ARHGEF25: variants seen among roughly 807,000 people sequenced by gnomAD.
ARHGEF25 encodes the protein Rho guanine nucleotide exchange factor 25, also known as RAC/CDC42 exchange factor.
Under a neutral mutation model 74.0 loss-of-function variants are expected in ARHGEF25, and 42 were observed. That is an observed-to-expected ratio of 0.57 (90% CI 0.44 to 0.73). ARHGEF25 has a LOEUF of 0.73. Ranked by LOEUF, ARHGEF25 falls within the 30% of genes least tolerant of loss-of-function variation. The pLI is 0.00. For synonymous variants in ARHGEF25, 293 were observed against 278.6 expected, an observed-to-expected ratio of 1.05 and a Z score of -0.51; for missense variants, 645 against 725.5, an observed-to-expected ratio of 0.89 and a Z score of 1.27.
chr12:57,615,454 G>C, intron 11 of ARHGEF25, 58 bp from the exon 12 acceptor site: 1 of 1,607,780 alleles, frequency 6.2e-7, no homozygotes. Flanking sequence ...GAAGGGAGGA[G>C]CAGAGAATTG....
At position 57,612,946 on chromosome 12, in the gene ARHGEF25, G is replaced by C. The variant is rs369756788; in HGVS notation, c.114G>C (p.Ala38=). The C allele has an allele frequency of 2.5e-6, 4 of 1,613,856 alleles. No individual in the cohort carries two copies. In the African/African-American group the frequency reaches 5.3e-5, roughly 22 times the overall value. ...ARGGRESYSI[A]GSEGSISASA... ...TCCCATTAGAATCCTATTCCATTGC[G>C]GGCAGTGAGGGGAGTATATCGGCTT... The change falls in exon 2 of 15, where the codon GCG becomes GCC. Residue 38 remains alanine, a synonymous_variant. Transcript: ENST00000286494.
At position 57,614,679 on chromosome 12, in the gene ARHGEF25, C is replaced by G. The variant is rs1884202686; in HGVS notation, c.817-10C>G. On this transcript the variant is annotated splice_polypyrimidine_tract_variant and intron_variant, in intron 8 of 14. Transcript: ENST00000286494. The surrounding 1 kb of genome is among the most constrained non-coding windows in gnomAD (Gnocchi z 4.6). Reference sequence around the variant, plus strand: ...TCCAGGCTGCATAACCACCCTGTCCCTGTCCCCAGGAGCTCCGGCAGCAGC... The same window carrying G: ...TCCAGGCTGCATAACCACCCTGTCCGTGTCCCCAGGAGCTCCGGCAGCAGC... 1.2e-6 allele frequency: 2 copies of G among 1,613,590 alleles called. No individual in the cohort carries two copies. The highest frequency in any genetic ancestry group is 2.2e-5 in the East Asian group (1 of 44,888).
chr12:57,614,737 A>T lies in ARHGEF25; in HGVS notation c.865A>T (p.Ile289Phe). The change falls in exon 9 of 15, where the codon ATC becomes TTC. Residue 289 changes from isoleucine (I) to phenylalanine (F), a missense_variant. Transcript: ENST00000286494. The surrounding 1 kb of genome is among the most constrained non-coding windows in gnomAD (Gnocchi z 4.6). ...GHRLQLNDLL[I>F]KPVQRIMKYQ... Reference sequence around the variant, plus strand: ...CCGCCTGCAGCTGAACGACCTCCTCATCAAACCTGTGCAGCGGATCATGAA... The same window carrying T: ...CCGCCTGCAGCTGAACGACCTCCTCTTCAAACCTGTGCAGCGGATCATGAA... The T allele has an allele frequency of 6.2e-7, 1 of 1,613,150 alleles. No individual in the cohort carries two copies. The highest frequency in any genetic ancestry group is 1.1e-5 in the South Asian group (1 of 90,872).
In ARHGEF25 at chr12:57,614,234, C is replaced by T. The variant is rs1884182001; in HGVS notation, c.657-97C>T. 6.3e-6 allele frequency: 10 copies of T among 1,574,884 alleles called. No individual in the cohort carries two copies. The highest frequency in any genetic ancestry group is 8.7e-6 in the Non-Finnish European group (10 of 1,145,472). On this transcript the variant is annotated intron_variant, in intron 6 of 14. Coordinates refer to ENST00000286494, the MANE Select transcript of ARHGEF25 (RefSeq NM_182947.4). This position sits in a 1 kb window ranked among gnomAD's most constrained non-coding sequence, Gnocchi z 4.6. ...GAATGTTTGGAGAAGTTTTGTAGGGCACACTACCAGGGCAGACAGCTCGAA... is the reference window on the plus strand; with the variant it reads ...GAATGTTTGGAGAAGTTTTGTAGGGTACACTACCAGGGCAGACAGCTCGAA...
upstream of ARHGEF25, chr12:57,610,246 C>A (rs891868346): frequency 4.4e-6 from 7 of 1,601,640 alleles, no homozygotes; most frequent in Admixed American, 1.7e-5. Context: ...CCGCCCCTGG[C>A]CGCACTGACC....
At position 57,614,424 on chromosome 12, in the gene ARHGEF25, T is replaced by C. The variant is rs769264237; in HGVS notation, c.726+24T>C. 6.2e-7 allele frequency: 1 copy of C among 1,614,060 alleles called. No individual in the cohort carries two copies. Among genetic ancestry groups the C allele is most frequent in the Non-Finnish European group, 8.5e-7 (1 of 1,179,954 alleles). On this transcript the variant is annotated intron_variant, in intron 7 of 14. Coordinates refer to ENST00000286494, the MANE Select transcript of ARHGEF25 (RefSeq NM_182947.4). The surrounding 1 kb of genome is among the most constrained non-coding windows in gnomAD (Gnocchi z 4.6). ...ACGTGAGGCTTGAGGGGGCAGGGCCTGGGGCGGGGCTTAGGAATGGGCTGG... is the reference window on the plus strand; with the variant it reads ...ACGTGAGGCTTGAGGGGGCAGGGCCCGGGGCGGGGCTTAGGAATGGGCTGG...
chr12:57,611,664 C>T lies in ARHGEF25; in HGVS notation c.-231C>T, dbSNP rs1253965739. The T allele has an allele frequency of 1.1e-5, 12 of 1,110,526 alleles. No individual in the cohort carries two copies. The highest frequency in any genetic ancestry group is 1.6e-5 in the African/African-American group (1 of 60,944). The allele number at this position is 1,110,526 out of a possible 1,614,324, so 68.8% of individuals were successfully genotyped here. On this transcript the variant is annotated 5_prime_UTR_variant, in exon 1 of 15. Coordinates refer to ENST00000286494, the MANE Select transcript of ARHGEF25 (RefSeq NM_182947.4). The surrounding 1 kb of genome is among the most constrained non-coding windows in gnomAD (Gnocchi z 4.5). Reference sequence around the variant, plus strand: ...TTCCGGAAACCCTCCCCGCCCAGCCCGGCGGCCGGGCCCCGCGCCTCTCTC... The same window carrying T: ...TTCCGGAAACCCTCCCCGCCCAGCCTGGCGGCCGGGCCCCGCGCCTCTCTC...
rs1273838203 is a variant in ARHGEF25, at chr12:57,611,632, G to C, written c.-263G>C. 5.8e-6 allele frequency: 6 copies of C among 1,041,722 alleles called. No homozygotes were observed. In the African/African-American group the frequency reaches 8.5e-5, roughly 15 times the overall value. The allele number at this position is 1,041,722 out of a possible 1,614,324, so 64.5% of individuals were successfully genotyped here. A position where few individuals can be genotyped will look rare whatever the true frequency, so the allele number is the denominator to read the frequency against. ...CATCTGGACCCTAGGCCCCCGCACCGACAGGGTTCCGGAAACCCTCCCCGC... is the reference window on the plus strand; with the variant it reads ...CATCTGGACCCTAGGCCCCCGCACCCACAGGGTTCCGGAAACCCTCCCCGC... On this transcript the variant is annotated 5_prime_UTR_variant, in exon 1 of 15. Transcript: ENST00000286494. This position sits in a 1 kb window ranked among gnomAD's most constrained non-coding sequence, Gnocchi z 4.5.
In ARHGEF25 at chr12:57,616,407, C is replaced by A. The variant is rs115150056; in HGVS notation, c.1544C>A (p.Thr515Lys). 72 of 1,614,000 alleles carry A rather than the reference C, an allele frequency of 4.5e-5. No homozygotes were observed. The East Asian group carries it at 1.4e-3, about 31-fold the overall frequency. The change falls in exon 14 of 15, where the codon ACA becomes AAA. Residue 515 changes from threonine (T) to lysine (K), a missense_variant. By Grantham distance (78) the Thr-to-Lys change is moderately conservative. Around this residue, in one of 3 missense-constraint regions of ARHGEF25, gnomAD observed 262 missense variants for 256.9 expected, o/e 1.02. Coordinates refer to ENST00000286494, the MANE Select transcript of ARHGEF25 (RefSeq NM_182947.4). ...CTTGGAGATCAGGCCCAGGGCAGCACACACACACCCATCAATGGCTCTCTC... is the reference window on the plus strand; with the variant it reads ...CTTGGAGATCAGGCCCAGGGCAGCAAACACACACCCATCAATGGCTCTCTC... ...IQLGDQAQGSTHTPINGSLPS... is the reference protein window; with the variant it reads ...IQLGDQAQGSKHTPINGSLPS...
At chr12:57,615,796 G>A in intron 12 of ARHGEF25, 41 bp from the exon 13 acceptor site, 1 of 1,612,564 alleles carries the variant, frequency 6.2e-7, no homozygotes, top group Non-Finnish European at 8.5e-7. Context: ...GCCAGGGAGG[G>A]CCTGAGGAAT....
chr12:57,611,679 G>T lies in ARHGEF25; in HGVS notation c.-216G>T. On this transcript the variant is annotated 5_prime_UTR_variant, in exon 1 of 15. Transcript: ENST00000286494. This position sits in a 1 kb window ranked among gnomAD's most constrained non-coding sequence, Gnocchi z 4.5. ...CCGCCCAGCCCGGCGGCCGGGCCCCGCGCCTCTCTCTCTCTAGAGCCCCCA... is the reference window on the plus strand; with the variant it reads ...CCGCCCAGCCCGGCGGCCGGGCCCCTCGCCTCTCTCTCTCTAGAGCCCCCA... The T allele has an allele frequency of 8.9e-7, 1 of 1,117,466 alleles. No homozygotes were observed. The highest frequency in any genetic ancestry group is 4.5e-5 in the South Asian group (1 of 22,438). The allele number at this position is 1,117,466 out of a possible 1,614,324, so 69.2% of individuals were successfully genotyped here.
At chr12:57,613,567 C>T (rs766888283) in intron 4 of ARHGEF25, 51 bp downstream of exon 4, 11 of 1,611,890 alleles carry the variant, frequency 6.8e-6, no homozygotes, top group Non-Finnish European at 9.3e-6. Context: ...AGAAGACTGT[C>T]CCTCACATTT....
chr12:57,612,885 A>C (rs1418261493), intron 1 of ARHGEF25, 45 bp from the exon 2 acceptor site: 2 of 1,586,614 alleles, frequency 1.3e-6, no homozygotes, highest in Non-Finnish European at 1.7e-6. Flanking sequence ...CTGAGTCTGG[A>C]GCTGGGGCAA....
At chr12:57,610,336 T>C, upstream of ARHGEF25, 2 of 1,144,994 alleles carry the variant, frequency 1.7e-6, no homozygotes, top group Non-Finnish European at 2.3e-6. Context: ...GGGCTCGCGG[T>C]GGGGTCGGGG....
chr12:57,610,513 G>T, upstream of ARHGEF25: 3 of 1,428,554 alleles, frequency 2.1e-6, no homozygotes, highest in South Asian at 3.9e-5. Context: ...GAAGGGGAAG[G>T]GGGAGGTCAG....
Position 57,617,053 on chromosome 12 carries a change from C to A in ARHGEF25, c.*159C>A. The A allele has an allele frequency of 2.3e-6, 1 of 426,614 alleles. No individual in the cohort carries two copies. Among genetic ancestry groups the A allele is most frequent in the Non-Finnish European group, 4.2e-6 (1 of 236,574 alleles). 26.4% of individuals were successfully genotyped at this position (426,614 alleles called of 1,614,324 possible). On this transcript the variant is annotated 3_prime_UTR_variant, in exon 15 of 15. Coordinates refer to ENST00000286494, the MANE Select transcript of ARHGEF25 (RefSeq NM_182947.4). ...TCAACTTGGAGGAGAACACCTAGAC[C>A]CAAGGACTTTTTTCTGCCCAAGGAA...
upstream of ARHGEF25, chr12:57,610,672 G>T (rs1049544254): frequency 6.2e-7 from 1 of 1,608,592 alleles, no homozygotes; most frequent in Non-Finnish European, 8.5e-7. Flanking sequence ...CCTCGCCGGG[G>T]CTCTGCAGCC....
upstream of ARHGEF25, chr12:57,610,757 T>C: frequency 7.8e-7 from 1 of 1,278,148 alleles, no homozygotes. Flanking sequence ...AATATTCTAT[T>C]CTTATTAGCA....
intron 14 of ARHGEF25, 101 bp from the exon 15 acceptor site, chr12:57,616,683 T>C (rs1884307932): frequency 2.0e-6 from 2 of 1,002,094 alleles, no homozygotes. Flanking sequence ...CTAAGATATC[T>C]AGCAAGAGGA....
Sources: gnomAD v4.1 joint callset for allele counts on GRCh38, gnomAD v4.1.1 for gene constraint, gnomAD v4.1.1 regional missense constraint, Gnocchi (gnomAD v3.1) non-coding constraint, MANE v1.5 for transcripts, NCBI Gene and HGNC (gene_info 2026-07-23, HGNC 2026-07-21) for gene names.